Variants in MGAT4D observed in about 807,000 individuals in gnomAD.
MGAT4D encodes MGAT4 family member D.
In MGAT4D, 34 loss-of-function variants were observed where a neutral mutation model predicts 15.9. The observed-to-expected ratio is 2.14, with a 90% CI of 1.62 to 2.84. The LOEUF (loss-of-function observed/expected upper bound fraction) is 2.84, where lower values mean the gene tolerates loss of function less well. MGAT4D is among the 30% of genes most tolerant of loss of function. MGAT4D has a pLI of 0.00. For synonymous variants in MGAT4D, 112 were observed against 48.2 expected (o/e 2.33, Z -5.49); for missense variants, 327 against 140.2 (o/e 2.33, Z -6.73).
chr4:140,491,263 C>A (rs574295157), intron 1 of MGAT4D, among the ~76,000 whole-genome samples: 3 of 152,216 alleles, frequency 2.0e-5, no homozygotes, highest in Non-Finnish European at 4.4e-5. Flanking sequence ...CGGCATATTC[C>A]CACAAGGTCA....
intron 3 of MGAT4D, 22 bp from the exon 4 acceptor site, chr4:140,474,968 A>G: frequency 1.5e-6 from 1 of 648,006 alleles, no homozygotes; most frequent in Non-Finnish European, 2.8e-6. Context: ...GGAGTATGAA[A>G]TCATCATTCC....
In MGAT4D at chr4:140,461,947, C is replaced by T. The variant is rs1731213975; in HGVS notation, c.744G>A (p.Lys248=). Residue 248 remains lysine, a synonymous_variant, in exon 7 of 11, where the codon AAG becomes AAA. Coordinates refer to ENST00000511113, the MANE Select transcript of MGAT4D (RefSeq NM_001277353.2). ...TTCTGACCTGTAAATAATACTTGGC[C>T]TTGGGTTGGGCATACAGCAACAAAA... ...FCILLLYAQP[K]AKYYLQLEDD... is the part of the protein sequence containing the mutation. 3 of 699,014 alleles carry T rather than the reference C, an allele frequency of 4.3e-6. No homozygotes were observed. The Admixed American group carries it at 6.0e-5, about 14-fold the overall frequency. The allele number at this position is 699,014 out of a possible 1,614,324, so 43.3% of individuals were successfully genotyped here. A position where few individuals can be genotyped will look rare whatever the true frequency, so the allele number is the denominator to read the frequency against.
intron 1 of MGAT4D, among the ~76,000 whole-genome samples, chr4:140,497,880 T>C (rs1436081916): frequency 6.6e-6 from 1 of 152,200 alleles, no homozygotes; most frequent in African/African-American, 2.4e-5. Flanking sequence ...CCAGATGCGT[T>C]AGCGCGCGTG....
chr4:140,479,574 C>A lies in MGAT4D; in HGVS notation c.307G>T (p.Glu103Ter). 1.8e-6 allele frequency: 1 copy of A among 555,432 alleles called. No individual in the cohort carries two copies. Among genetic ancestry groups the A allele is most frequent in the South Asian group, 2.5e-5 (1 of 39,954 alleles). The allele number at this position is 555,432 out of a possible 1,614,324, so 34.4% of individuals were successfully genotyped here. A position where few individuals can be genotyped will look rare whatever the true frequency, so the allele number is the denominator to read the frequency against. ...TGAGGAAAAAAGAACTTTAAGTCTT[C>A]AAATGTATTAGATACTGTTTCATTT... ...NKNETVSNTFEDLKFFFPHLR... is the reference protein window; with the variant it reads ...NKNETVSNTF Residue 103 changes from glutamate to a stop codon, truncating the protein, a stop_gained, in exon 3 of 11, where the codon GAA becomes TAA. Transcript: ENST00000511113. LOFTEE classifies it high-confidence loss of function.
At chr4:140,460,709 C>T (rs1731118805) in intron 7 of MGAT4D, among the ~76,000 whole-genome samples, 1 of 152,106 alleles carries the variant, frequency 6.6e-6, no homozygotes, top group South Asian at 2.1e-4. Context: ...TTGTGGTGTG[C>T]ACCTGTAGTC....
intron 1 of MGAT4D, among the ~76,000 whole-genome samples, chr4:140,491,607 C>A (rs1733505651): frequency 6.6e-6 from 1 of 151,854 alleles, no homozygotes; most frequent in African/African-American, 2.4e-5. Context: ...AGGTCATCTA[C>A]AAGAAGGTCA....
At chr4:140,482,299 A>G in intron 2 of MGAT4D, 28 bp downstream of exon 2, 1 of 597,364 alleles carries the variant, frequency 1.7e-6, no homozygotes, top group Non-Finnish European at 2.9e-6. Context: ...TCCAAAAACA[A>G]AACAAAACAA....
chr4:140,492,480 T>A (rs371323975), intron 1 of MGAT4D, among the ~76,000 whole-genome samples: 1 of 152,172 alleles, frequency 6.6e-6, no homozygotes, highest in African/African-American at 2.4e-5. Flanking sequence ...ATACAAACAT[T>A]AGCTGGGAGT....
At chr4:140,470,388 C>T (rs1045423214) in intron 5 of MGAT4D, among the ~76,000 whole-genome samples, 2 of 152,200 alleles carry the variant, frequency 1.3e-5, no homozygotes, top group Non-Finnish European at 2.9e-5. Flanking sequence ...CTGCCTCAGC[C>T]ACTAGAGCTA....
In MGAT4D at chr4:140,456,692, G is replaced by A; in HGVS notation, c.905C>T (p.Thr302Ile). The A allele has an allele frequency of 1.4e-6, 1 of 692,246 alleles. No individual in the cohort carries two copies. 42.9% of individuals were successfully genotyped at this position (692,246 alleles called of 1,614,324 possible). Residue 302 changes from threonine to isoleucine, a missense_variant, in exon 9 of 11, where the codon ACT becomes ATT. Coordinates refer to ENST00000511113, the MANE Select transcript of MGAT4D (RefSeq NM_001277353.2). Reference sequence around the variant, plus strand: ...CATTAAAAAAAACCGTACAAAGTGAGTTAAGTCCTCAGATCTAAACAGCTT... The same window carrying A: ...CATTAAAAAAAACCGTACAAAGTGAATTAAGTCCTCAGATCTAAACAGCTT... ...IGKLFRSEDL[T>I]HFVRFFLMFY...
At position 140,479,489 on chromosome 4, in the gene MGAT4D, C is replaced by T. The variant is rs1732551756; in HGVS notation, c.391+1G>A. The T allele has an allele frequency of 2.1e-6, 1 of 480,736 alleles. No individual in the cohort carries two copies. Among genetic ancestry groups the T allele is most frequent in the South Asian group, 3.6e-5 (1 of 27,440 alleles). The allele number at this position is 480,736 out of a possible 1,614,324, so 29.8% of individuals were successfully genotyped here. ...AATTTTCCAATTCTAAGTTTTCTTA[C>T]CACCAGTTTTCCCTTTGCCAATGAT... On this transcript the variant is annotated splice_donor_variant, in intron 3 of 10. Coordinates refer to ENST00000511113, the MANE Select transcript of MGAT4D (RefSeq NM_001277353.2). LOFTEE classifies it high-confidence loss of function.
At chr4:140,477,132 A>G (rs1732389946) in intron 3 of MGAT4D, among the ~76,000 whole-genome samples, 1 of 152,080 alleles carries the variant, frequency 6.6e-6, no homozygotes, top group Non-Finnish European at 1.5e-5. Context: ...TGACTTTTGC[A>G]TGTTTCTTTT....
At chr4:140,468,858 CT>C (rs1731722422) in intron 5 of MGAT4D, among the ~76,000 whole-genome samples, 1 of 152,238 alleles carries the variant, frequency 6.6e-6, no homozygotes, top group African/African-American at 2.4e-5. Flanking sequence ...AAAGAGAAAT[CT>C]TTAAAAAAGG....
At chr4:140,454,216 C>T (rs768397007) in intron 9 of MGAT4D, among the ~76,000 whole-genome samples, 1 of 152,016 alleles carries the variant, frequency 6.6e-6, no homozygotes, top group African/African-American at 2.4e-5. Flanking sequence ...CAGTTTTCAA[C>T]AATTAAACAT....
intron 5 of MGAT4D, 133 bp from the exon 6 acceptor site, chr4:140,465,142 A>G: frequency 1.9e-6 from 1 of 533,298 alleles, no homozygotes; most frequent in Non-Finnish European, 3.3e-6. Context: ...TTGATACATG[A>G]TACCAGCATC....
Position 140,498,187 on chromosome 4 carries a change from C to T in MGAT4D, c.36G>A (p.Leu12=). ...RTKQVNLLIT[L]VAVALFSFSC... ...AGAAGCTGAACAACGCGACGGCGACCAGGGTGATCAGCAAGTTCACCTGCT... is the reference window on the plus strand; with the variant it reads ...AGAAGCTGAACAACGCGACGGCGACTAGGGTGATCAGCAAGTTCACCTGCT... The change falls in exon 1 of 11, where the codon CTG becomes CTA. Residue 12 remains leucine, a synonymous_variant. Transcript: ENST00000511113. The T allele has an allele frequency of 1.4e-6, 1 of 702,602 alleles. No individual in the cohort carries two copies. The highest frequency in any genetic ancestry group is 2.6e-6 in the Non-Finnish European group (1 of 384,720). The allele number at this position is 702,602 out of a possible 1,614,324, so 43.5% of individuals were successfully genotyped here.
chr4:140,484,993 C>T (rs977366865), intron 1 of MGAT4D, among the ~76,000 whole-genome samples: 23 of 152,232 alleles, frequency 1.5e-4, no homozygotes, highest in Non-Finnish European at 2.9e-4. Context: ...GTCAGTGTGG[C>T]GATTCCTCAG....
chr4:140,450,630 T>C (rs1677529630), intron 10 of MGAT4D, among the ~76,000 whole-genome samples: 2 of 152,220 alleles, frequency 1.3e-5, no homozygotes, highest in African/African-American at 4.8e-5. Flanking sequence ...GGGAGAGTCA[T>C]GAATGATGGG....
intron 1 of MGAT4D, 116 bp from the exon 2 acceptor site, chr4:140,482,601 A>G (rs1407892050): frequency 2.2e-6 from 1 of 454,144 alleles, no homozygotes; most frequent in Non-Finnish European, 3.8e-6. Flanking sequence ...AGTACTATAT[A>G]TGTATTATAT....
Sources: gnomAD v4.1 joint callset for allele counts (sites outside exome capture counted in the v4.1 genomes callset) on GRCh38, gnomAD v4.1.1 for gene constraint, MANE v1.5 for transcripts, NCBI Gene and HGNC (gene_info 2026-07-23, HGNC 2026-07-21) for gene names.